The following LMBR1 variants were observed in gnomAD, a reference collection of about 807,000 sequenced individuals.
LMBR1 encodes the protein limb development membrane protein 1, also known as limb region 1 protein homolog.
A neutral mutation model predicts 73.9 loss-of-function variants in LMBR1; 52 were observed. The observed-to-expected ratio is 0.70, with a 90% CI of 0.56 to 0.89. The LOEUF is 0.89. Ranked by LOEUF, LMBR1 falls within the 40% of genes least tolerant of loss-of-function variation. The pLI, the probability that LMBR1 is intolerant of heterozygous loss-of-function variation, is 0.00. For missense variants in LMBR1, 539 were observed against 579.8 expected (o/e 0.93, Z 0.72); for synonymous variants, 215 against 209.4 (o/e 1.03, Z -0.23).
At position 156,680,382 on chromosome 7, in the gene LMBR1, G is replaced by GAC. The variant is rs1554456538; in HGVS notation, c.*3695_*3696insGT. On this transcript the variant is annotated 3_prime_UTR_variant, in exon 17 of 17. Transcript: ENST00000353442. ...CTTATACGTATCTGAGAGACAGAGA[G>GAC]AGAGAGAGAGAGAGAGAGAGAGTGT... The GAC allele has an allele frequency of 7.1e-6, 1 of 141,070 alleles. No homozygotes were observed. The highest frequency in any genetic ancestry group is 2.8e-5 in the African/African-American group (1 of 35,876). The allele number at this position is 141,070 out of a possible 1,614,324, so 8.7% of individuals were successfully genotyped here.
intron 1 of LMBR1, among the ~76,000 whole-genome samples, chr7:156,854,327 G>A (rs1182551791): frequency 6.6e-6 from 1 of 152,194 alleles, no homozygotes; most frequent in African/African-American, 2.4e-5. Context: ...TAACTAGAGA[G>A]AGAAAAACTC....
chr7:156,755,649 TAAAC>T (rs2132793708), intron 9 of LMBR1, among the ~76,000 whole-genome samples: 1 of 152,380 alleles, frequency 6.6e-6, no homozygotes, highest in East Asian at 1.9e-4. Flanking sequence ...TAAACAGGTT[TAAAC>T]ATTAGTTTTA....
At chr7:156,758,258 T>C (rs1016330420) in intron 8 of LMBR1, among the ~76,000 whole-genome samples, 2 of 152,208 alleles carry the variant, frequency 1.3e-5, no homozygotes, top group Non-Finnish European at 2.9e-5. Flanking sequence ...AAAGTTCCTT[T>C]CCCATCAACA....
intron 1 of LMBR1, among the ~76,000 whole-genome samples, chr7:156,879,300 A>T (rs1800684079): frequency 6.6e-6 from 1 of 152,216 alleles, no homozygotes; most frequent in Admixed American, 6.5e-5. Context: ...TATACATCTG[A>T]CAAAGGACTG....
intron 1 of LMBR1, among the ~76,000 whole-genome samples, chr7:156,838,184 C>T (rs1838002374): frequency 1.3e-5 from 2 of 148,430 alleles, no homozygotes; most frequent in South Asian, 4.2e-4. Flanking sequence ...CTCAATCAAG[C>T]TAATTAGCAT....
At chr7:156,884,970 G>C (rs929329206) in intron 1 of LMBR1, among the ~76,000 whole-genome samples, 1 of 152,182 alleles carries the variant, frequency 6.6e-6, no homozygotes, top group Non-Finnish European at 1.5e-5. Context: ...GTAGATGAAG[G>C]ATACTTCTAT....
intron 15 of LMBR1, 21 bp from the exon 16 acceptor site, chr7:156,688,212 A>G: frequency 6.4e-7 from 1 of 1,556,930 alleles, no homozygotes; most frequent in Non-Finnish European, 8.7e-7. Flanking sequence ...TAAATAAAAT[A>G]GCCCTTAATG....
intron 5 of LMBR1, among the ~76,000 whole-genome samples, chr7:156,768,206 G>A (rs980517927): frequency 2.6e-5 from 4 of 151,880 alleles, no homozygotes; most frequent in African/African-American, 4.8e-5. Flanking sequence ...GTGAAAGCCC[G>A]TCTCTACTAA....
At position 156,681,062 on chromosome 7, in the gene LMBR1, C is replaced by T. The variant is rs1804937506; in HGVS notation, c.*3016G>A. ...ACCAGTTTTTTCAAGTTTAAAAAGT[C>T]GGTGCTGCATCTATGTTCACATTAA... On this transcript the variant is annotated 3_prime_UTR_variant, in exon 17 of 17. Transcript: ENST00000353442. 1.8e-5 allele frequency: 7 copies of T among 393,008 alleles called. No individual in the cohort carries two copies. Among genetic ancestry groups the T allele is most frequent in the Middle Eastern group, 4.8e-4 (1 of 2,102 alleles). The allele number at this position is 393,008 out of a possible 1,614,324, so 24.3% of individuals were successfully genotyped here.
intron 1 of LMBR1, among the ~76,000 whole-genome samples, chr7:156,839,984 A>C (rs1372255283): frequency 6.6e-6 from 1 of 152,240 alleles, no homozygotes; most frequent in South Asian, 2.1e-4. Context: ...TTACAATGGA[A>C]TGAAGTCTGA....
At chr7:156,787,923 C>T (rs1828443372) in intron 5 of LMBR1, among the ~76,000 whole-genome samples, 1 of 152,158 alleles carries the variant, frequency 6.6e-6, no homozygotes, top group African/African-American at 2.4e-5. Flanking sequence ...ATTACAGGTG[C>T]CCACCACCAC....
rs1301556968 is a variant in LMBR1, at chr7:156,724,463, C to T, written c.1159-285G>A. 2.6e-5 allele frequency among the ~76,000 whole-genome samples: 4 copies of T among 152,050 alleles called. No individual in the cohort carries two copies. In the East Asian group the frequency reaches 7.7e-4, roughly 29 times the overall value. On this transcript the variant is annotated intron_variant, in intron 14 of 16. Coordinates refer to ENST00000353442, the MANE Select transcript of LMBR1 (RefSeq NM_022458.4). ...ATAATGCACTTTACATTACTGATTG[C>T]AGCTGTTACTTTCAAAAGGCTCTGC...
At chr7:156,703,409 G>A (rs1810224161) in intron 15 of LMBR1, among the ~76,000 whole-genome samples, 1 of 152,186 alleles carries the variant, frequency 6.6e-6, no homozygotes, top group Non-Finnish European at 1.5e-5. Flanking sequence ...TGCCTCAGAG[G>A]CCAGGATGGG....
intron 15 of LMBR1, among the ~76,000 whole-genome samples, chr7:156,696,904 C>G (rs1236108876): frequency 6.6e-6 from 1 of 152,130 alleles, no homozygotes; most frequent in Non-Finnish European, 1.5e-5. Context: ...AAAGTCTCAT[C>G]TGAGACAAGG....
chr7:156,675,731 C>A (rs779157237), downstream of LMBR1: 3 of 1,609,582 alleles, frequency 1.9e-6, no homozygotes, highest in South Asian at 2.2e-5. Flanking sequence ...TGTGCTCATA[C>A]AACACCAACA....
rs1274908499 is a variant in LMBR1 at position 156,684,199 on chromosome 7, T to C, written c.1388-36A>G. ...ATTAAGAAAATGGTGAGAAATGATA[T>C]ATTGCTGAGTGGCTGGGAAAGGGTT... On this transcript the variant is annotated intron_variant, in intron 16 of 16. Transcript: ENST00000353442. 5.4e-6 allele frequency: 8 copies of C among 1,477,950 alleles called. No individual in the cohort carries two copies. In the East Asian group the frequency reaches 6.8e-5, roughly 13 times the overall value. 91.6% of individuals were successfully genotyped at this position (1,477,950 alleles called of 1,614,324 possible).
intron 5 of LMBR1, among the ~76,000 whole-genome samples, chr7:156,765,707 C>T (rs1043159946): frequency 2.0e-5 from 3 of 152,080 alleles, no homozygotes; most frequent in South Asian, 4.1e-4. Flanking sequence ...ATATCTTGCA[C>T]GTTTATGCAG....
chr7:156,796,314 G>T, intron 5 of LMBR1, 75 bp downstream of exon 5: 2 of 927,158 alleles, frequency 2.2e-6, no homozygotes, highest in African/African-American at 1.7e-5. Context: ...ATTTAAGTCT[G>T]CTTTTTCTAG....
chr7:156,730,265 GAAC>G lies in LMBR1; in HGVS notation c.839-1548_839-1546del, dbSNP rs1299756060. Among the ~76,000 whole-genome samples the G allele has an allele frequency of 2.6e-5, 4 of 152,296 alleles. 1 individual carries two copies. Among genetic ancestry groups the G allele is most frequent in the Admixed American group, 2.6e-4 (4 of 15,296 alleles). On this transcript the variant is annotated intron_variant, in intron 10 of 16. Coordinates refer to ENST00000353442, the MANE Select transcript of LMBR1 (RefSeq NM_022458.4). ...ACACCAGTGGCTAAGAGGCCAAGAA[GAAC>G]AACAGAAAGATGCAACTATGAGGCT...
Sources: allele counts gnomAD v4.1 joint callset (sites outside exome capture counted in the v4.1 genomes callset), GRCh38; gene constraint gnomAD v4.1.1; transcripts MANE v1.5; gene names NCBI Gene and HGNC (gene_info 2026-07-23, HGNC 2026-07-21).